Variants in FBN2 observed in about 807,000 individuals in gnomAD.
FBN2 encodes the protein fibrillin-2.
FBN2 carries 105 observed loss-of-function variants against 355.6 expected under a neutral mutation model. The ratio of observed to expected loss-of-function variants is 0.30; its 90% CI spans 0.25 to 0.35. The LOEUF (loss-of-function observed/expected upper bound fraction) is 0.35. Ranked by LOEUF, FBN2 falls within the 10% of genes least tolerant of loss-of-function variation. FBN2 has a pLI of 1.00. For missense variants in FBN2, 3,280 were observed against 3,758.7 expected, an observed-to-expected ratio of 0.87 and a Z score of 3.33; for synonymous variants, 1,350 against 1,301.2, an observed-to-expected ratio of 1.04 and a Z score of -0.81.
At chr5:128,414,158 A>G (rs1307365932) in intron 7 of FBN2, among the ~76,000 whole-genome samples, 1 of 152,218 alleles carries the variant, frequency 6.6e-6, no homozygotes. Context: ...TACAATTCAC[A>G]CATTTAAAGT....
intron 64 of FBN2, among the ~76,000 whole-genome samples, chr5:128,261,182 GC>G (rs1764954443): frequency 6.6e-6 from 1 of 152,156 alleles, no homozygotes; most frequent in Non-Finnish European, 1.5e-5. Context: ...GTAGTCTGCA[GC>G]CCACCCCTTT....
intron 5 of FBN2, among the ~76,000 whole-genome samples, chr5:128,465,195 C>T (rs1050916030): frequency 6.6e-6 from 1 of 152,176 alleles, no homozygotes; most frequent in African/African-American, 2.4e-5. Flanking sequence ...AATGCTTTTA[C>T]AGAATTTAAA....
intron 5 of FBN2, among the ~76,000 whole-genome samples, chr5:128,510,887 A>G (rs981404882): frequency 3.3e-5 from 5 of 152,164 alleles, no homozygotes; most frequent in African/African-American, 9.7e-5. Flanking sequence ...GGCTAAGTAT[A>G]TGGGTTCTGA....
intron 8 of FBN2, among the ~76,000 whole-genome samples, chr5:128,395,861 T>C (rs1752637826): frequency 6.6e-6 from 1 of 152,214 alleles, no homozygotes; most frequent in Admixed American, 6.5e-5. Context: ...GATGGTCCTA[T>C]AGGCCATTAG....
At chr5:128,442,979 A>G (rs1337970760) in intron 7 of FBN2, among the ~76,000 whole-genome samples, 1 of 152,234 alleles carries the variant, frequency 6.6e-6, no homozygotes, top group Non-Finnish European at 1.5e-5. Context: ...CCCAGCATTA[A>G]AACATTTTTA....
At chr5:128,415,178 T>C (rs1173488088) in intron 7 of FBN2, among the ~76,000 whole-genome samples, 1 of 152,176 alleles carries the variant, frequency 6.6e-6, no homozygotes, top group African/African-American at 2.4e-5. Context: ...ATCCCTCACA[T>C]CTTGACTATC....
At position 128,309,237 on chromosome 5, in the gene FBN2, G is replaced by A. The variant is rs113589974; in HGVS notation, c.5353+10C>T. 473 of 1,613,806 alleles carry A rather than the reference G, an allele frequency of 2.9e-4. 1 individual carries two copies. The African/African-American group carries it at 3.2e-3, about 11-fold the overall frequency. On this transcript the variant is annotated intron_variant, in intron 41 of 64. Coordinates refer to ENST00000262464, the MANE Select transcript of FBN2 (RefSeq NM_001999.4). The stretch of plus-strand genomic sequence containing the variant: ...GTGGCAGTCAGCAGATGCACGAGCC[G>A]TGTGCTTACCTGTTCCTGGAGTTGG...
chr5:128,501,616 AT>A (rs1162258402), intron 5 of FBN2, among the ~76,000 whole-genome samples: 1 of 152,208 alleles, frequency 6.6e-6, no homozygotes, highest in African/African-American at 2.4e-5. Flanking sequence ...ATTTCTTTGT[AT>A]TACAAAGCTA....
At chr5:128,377,054 A>G (rs951201300) in intron 13 of FBN2, among the ~76,000 whole-genome samples, 2 of 152,220 alleles carry the variant, frequency 1.3e-5, no homozygotes, top group African/African-American at 4.8e-5. Context: ...ATATGGATAT[A>G]AAGGAAAATA....
intron 62 of FBN2, among the ~76,000 whole-genome samples, chr5:128,264,047 A>G (rs1219194861): frequency 2.0e-5 from 3 of 152,138 alleles, no homozygotes; most frequent in Non-Finnish European, 4.4e-5. Context: ...GAAATGGGAA[A>G]TGACCGCTCT....
intron 5 of FBN2, among the ~76,000 whole-genome samples, chr5:128,498,280 A>G (rs1156343439): frequency 6.6e-6 from 1 of 152,222 alleles, no homozygotes; most frequent in Non-Finnish European, 1.5e-5. Flanking sequence ...GTTCATACAT[A>G]ACAGCCAATG....
At chr5:128,530,782 G>A (rs58297481) in intron 2 of FBN2, 89 bp from the exon 3 acceptor site, 12 of 878,806 alleles carry the variant, frequency 1.4e-5, no homozygotes, top group Non-Finnish European at 1.8e-5. Context: ...AAAATAAAAA[G>A]CCTGAAAAAC....
chr5:128,495,773 G>C (rs911913621), intron 5 of FBN2, among the ~76,000 whole-genome samples: 2 of 152,010 alleles, frequency 1.3e-5, no homozygotes, highest in African/African-American at 4.8e-5. Context: ...CTATAAAAAA[G>C]AGAAGACTCA....
intron 34 of FBN2, among the ~76,000 whole-genome samples, chr5:128,324,619 C>CTTTTTT (rs1166002656): frequency 5.8e-5 from 8 of 137,722 alleles, no homozygotes; most frequent in African/African-American, 8.0e-5. Flanking sequence ...TTTTCTTTTT[C>CTTTTTT]TTTTTTTTTT....
chr5:128,298,815 CT>C (rs1201878574), intron 48 of FBN2, among the ~76,000 whole-genome samples: 1 of 152,208 alleles, frequency 6.6e-6, no homozygotes, highest in East Asian at 1.9e-4. Context: ...ATTTGATCGT[CT>C]GAAGCCTTCT....
At chr5:128,353,732 A>T (rs573837778) in intron 20 of FBN2, among the ~76,000 whole-genome samples, 1 of 152,344 alleles carries the variant, frequency 6.6e-6, no homozygotes, top group Admixed American at 6.5e-5. Flanking sequence ...CAACCCTGTG[A>T]ATTATGTACA....
chr5:128,312,550 C>A, intron 37 of FBN2, 84 bp downstream of exon 37: 1 of 1,497,236 alleles, frequency 6.7e-7, no homozygotes, highest in Non-Finnish European at 9.3e-7. Context: ...ACTAAACACT[C>A]CTCACTCCCA....
chr5:128,509,321 T>C, intron 5 of FBN2, among the ~76,000 whole-genome samples: 1 of 152,146 alleles, frequency 6.6e-6, no homozygotes, highest in East Asian at 1.9e-4. Flanking sequence ...TCTGTTGCTA[T>C]GTTTTCAGGC....
intron 54 of FBN2, 79 bp downstream of exon 54, chr5:128,287,229 T>C (rs902892778): frequency 4.6e-6 from 7 of 1,512,406 alleles, no homozygotes; most frequent in African/African-American, 4.1e-5. Context: ...AAGAAATTAG[T>C]TGAGAACTAT....
Sources: gnomAD v4.1 joint callset for allele counts (sites outside exome capture counted in the v4.1 genomes callset) on GRCh38, gnomAD v4.1.1 for gene constraint, MANE v1.5 for transcripts, NCBI Gene and HGNC (gene_info 2026-07-23, HGNC 2026-07-21) for gene names.